CLSTN2: variants seen among roughly 807,000 people sequenced by gnomAD.
CLSTN2 encodes calsyntenin-2.
Under a neutral mutation model 101.2 loss-of-function variants are expected in CLSTN2, and 48 were observed. The observed-to-expected ratio is 0.47, with a 90% CI of 0.38 to 0.60. The LOEUF (loss-of-function observed/expected upper bound fraction) is 0.60, where lower values mean the gene tolerates loss of function less well. Ranked by LOEUF, CLSTN2 falls within the 20% of genes least tolerant of loss-of-function variation. The pLI is 0.00. For synonymous variants in CLSTN2, 481 were observed against 463.6 expected, an observed-to-expected ratio of 1.04 and a Z score of -0.48; for missense variants, 1,160 against 1,238.2, an observed-to-expected ratio of 0.94 and a Z score of 0.95.
intron 2 of CLSTN2, among the ~76,000 whole-genome samples, chr3:140,295,921 A>C (rs1351313): frequency 0.41 from 62,185 of 152,060 alleles, 13,995 homozygotes; most frequent in Non-Finnish European, 0.52. Context: ...TTAAGCAGCT[A>C]AAAGACCTTT....
chr3:139,974,560 A>G (rs925909696), intron 1 of CLSTN2, among the ~76,000 whole-genome samples: 1 of 152,220 alleles, frequency 6.6e-6, no homozygotes, highest in African/African-American at 2.4e-5. Context: ...AGGGAGCTGC[A>G]TTGACTGAAT....
chr3:140,547,727 C>T (rs534814245), intron 10 of CLSTN2, among the ~76,000 whole-genome samples: 50 of 152,212 alleles, frequency 3.3e-4, no homozygotes, highest in Admixed American at 2.3e-3. Context: ...ACTTACAGAG[C>T]GAGCACTTGT....
intron 1 of CLSTN2, among the ~76,000 whole-genome samples, chr3:140,059,847 T>C (rs1895859): frequency 0.25 from 38,604 of 151,964 alleles, 5,762 homozygotes; most frequent in African/African-American, 0.41. Flanking sequence ...TTTTAAATAA[T>C]GAAAAATAAG....
chr3:140,336,319 G>C (rs1223180506), intron 2 of CLSTN2, among the ~76,000 whole-genome samples: 1 of 152,190 alleles, frequency 6.6e-6, no homozygotes, highest in Non-Finnish European at 1.5e-5. Flanking sequence ...AGCTCACAAA[G>C]CAGCTCTGTA....
chr3:140,222,980 C>G (rs984984803), intron 2 of CLSTN2, among the ~76,000 whole-genome samples: 1 of 151,770 alleles, frequency 6.6e-6, no homozygotes, highest in Admixed American at 6.6e-5. Flanking sequence ...CATTTTTATC[C>G]CAGTTGTAGA....
Position 140,574,592 on chromosome 3 carries a change from A to C in CLSTN2, c.*8339A>C, listed in dbSNP as rs573691225. The C allele has an allele frequency of 1.3e-5, 2 of 152,372 alleles. No homozygotes were observed. The highest frequency in any genetic ancestry group is 3.9e-4 in the East Asian group (2 of 5,190). 9.4% of individuals were successfully genotyped at this position (152,372 alleles called of 1,614,324 possible). Reference sequence around the variant, plus strand: ...AGGGCAACAGACTTGAGAAGAGCCAAAATGCAGACAGTGTGTATTAATCAC... The same window carrying C: ...AGGGCAACAGACTTGAGAAGAGCCACAATGCAGACAGTGTGTATTAATCAC... On this transcript the variant is annotated 3_prime_UTR_variant, in exon 17 of 17. Transcript: ENST00000458420.
chr3:140,345,032 G>C (rs182610791), intron 2 of CLSTN2, among the ~76,000 whole-genome samples: 2 of 152,278 alleles, frequency 1.3e-5, no homozygotes, highest in African/African-American at 2.4e-5. Flanking sequence ...AATGCCATCT[G>C]CTTTCAGGGC....
At chr3:140,040,843 A>G (rs1283736701) in intron 1 of CLSTN2, among the ~76,000 whole-genome samples, 1 of 152,092 alleles carries the variant, frequency 6.6e-6, no homozygotes, top group Non-Finnish European at 1.5e-5. Flanking sequence ...GGTATTTTTC[A>G]TGATTACAAG....
At chr3:140,514,642 C>G (rs545752779) in intron 8 of CLSTN2, among the ~76,000 whole-genome samples, 1 of 152,082 alleles carries the variant, frequency 6.6e-6, no homozygotes, top group Non-Finnish European at 1.5e-5. Context: ...TGGGTAGATT[C>G]CCAGGAGTGG....
chr3:139,999,989 T>G (rs2006792494), intron 1 of CLSTN2, among the ~76,000 whole-genome samples: 1 of 150,670 alleles, frequency 6.6e-6, no homozygotes, highest in Non-Finnish European at 1.5e-5. Context: ...TAGAACAGTT[T>G]TAAGTTAAAG....
At chr3:139,998,421 G>A (rs1180026985) in intron 1 of CLSTN2, among the ~76,000 whole-genome samples, 2 of 130,218 alleles carry the variant, frequency 1.5e-5, no homozygotes, top group Non-Finnish European at 3.1e-5. Context: ...TGCAAGCTCC[G>A]CCTCCCGGGT....
chr3:140,244,909 A>C (rs1378435237), intron 2 of CLSTN2, among the ~76,000 whole-genome samples: 1 of 152,228 alleles, frequency 6.6e-6, no homozygotes, highest in Non-Finnish European at 1.5e-5. Context: ...TTGAAATGTC[A>C]AGGTTTGAAA....
intron 1 of CLSTN2, among the ~76,000 whole-genome samples, chr3:140,139,717 G>A (rs1469622828): frequency 6.6e-6 from 1 of 152,212 alleles, no homozygotes; most frequent in African/African-American, 2.4e-5. Context: ...TTGAATGCCT[G>A]CTTTTAAGAT....
Position 140,424,639 on chromosome 3 carries a change from G to A in CLSTN2, c.787+3365G>A, listed in dbSNP as rs538586653. ...CGAACTATGTTTTACTGGCTTGCTT[G>A]TTACTTGCAGATGATGCAGACTGCC... is the stretch of plus-strand genomic sequence containing the variant. On this transcript the variant is annotated intron_variant, in intron 5 of 16. Transcript: ENST00000458420. Among the ~76,000 whole-genome samples the A allele has an allele frequency of 3.2e-4, 49 of 152,326 alleles. No homozygotes were observed. The South Asian group carries it at 0.01, about 32-fold the overall frequency.
chr3:140,401,463 T>C (rs1289069693), intron 2 of CLSTN2, among the ~76,000 whole-genome samples: 1 of 152,246 alleles, frequency 6.6e-6, no homozygotes. Context: ...TGGAAATATG[T>C]CACCTAAACT....
intron 2 of CLSTN2, among the ~76,000 whole-genome samples, chr3:140,385,580 T>C (rs926229794): frequency 1.3e-5 from 2 of 151,890 alleles, no homozygotes; most frequent in African/African-American, 2.4e-5. Flanking sequence ...GGTTTCACCG[T>C]GTTATCCAGG....
At position 140,464,721 on chromosome 3, in the gene CLSTN2, G is replaced by T. The variant is rs113422150; in HGVS notation, c.1223-1889G>T. Among the ~76,000 whole-genome samples, 478 of 152,276 alleles carry T rather than the reference G, an allele frequency of 3.1e-3. 2 individuals are homozygous for T. The highest frequency in any genetic ancestry group is 9.8e-3 in the African/African-American group (409 of 41,554). On this transcript the variant is annotated intron_variant, in intron 7 of 16. Transcript: ENST00000458420. The stretch of plus-strand genomic sequence containing the variant: ...TTCTTCCTTTCTATATTTCCTAAGA[G>T]TTATCAACAGAAGCCACAGAAAAGT...
intron 1 of CLSTN2, among the ~76,000 whole-genome samples, chr3:140,071,004 A>T (rs2008382652): frequency 6.6e-6 from 1 of 152,220 alleles, no homozygotes; most frequent in Admixed American, 6.5e-5. Context: ...AAAACGTAAA[A>T]AAAGAAGATT....
chr3:140,283,503 T>C (rs1166878236), intron 2 of CLSTN2, among the ~76,000 whole-genome samples: 1 of 152,114 alleles, frequency 6.6e-6, no homozygotes, highest in Non-Finnish European at 1.5e-5. Context: ...CCTTGCTTTA[T>C]GGAGGGGGAA....
Sources: allele counts gnomAD v4.1 joint callset (sites outside exome capture counted in the v4.1 genomes callset), GRCh38; gene constraint gnomAD v4.1.1; transcripts MANE v1.5; gene names NCBI Gene and HGNC (gene_info 2026-07-23, HGNC 2026-07-21).